Variants in ALG8 observed in about 807,000 individuals in gnomAD.
The protein encoded by ALG8 is dolichyl pyrophosphate Glc1Man9GlcNAc2 alpha-1,3-glucosyltransferase.
ALG8 carries 48 observed loss-of-function variants against 70.2 expected under a neutral mutation model. That is an observed-to-expected ratio of 0.68 (90% CI 0.54 to 0.87). The LOEUF (loss-of-function observed/expected upper bound fraction) is 0.87. Ranked by LOEUF, ALG8 falls within the 40% of genes least tolerant of loss-of-function variation. ALG8 has a pLI of 0.00. For synonymous variants in ALG8, 234 were observed against 229.0 expected (o/e 1.02, Z -0.20); for missense variants, 572 against 608.7 (o/e 0.94, Z 0.64).
At chr11:78,111,487 A>C in intron 8 of ALG8, among the ~76,000 whole-genome samples, 1 of 152,232 alleles carries the variant, frequency 6.6e-6, no homozygotes. Flanking sequence ...CCTCCAAACC[A>C]AGTCATCAGA....
intron 5 of ALG8, chr11:78,114,679 AAT>A (rs1383939870): frequency 3.2e-5 from 14 of 442,780 alleles, no homozygotes; most frequent in African/African-American, 2.8e-4. Flanking sequence ...AAAAAACTAA[AAT>A]TAGGCTAAGT....
intron 3 of ALG8, among the ~76,000 whole-genome samples, chr11:78,122,396 G>A (rs970228265): frequency 6.7e-6 from 1 of 148,808 alleles, no homozygotes; most frequent in Non-Finnish European, 1.5e-5. Flanking sequence ...AGGATGGAGT[G>A]CAGTGGCGTA....
In ALG8 at chr11:78,121,178, C is replaced by T. The variant is rs1860806518; in HGVS notation, c.369-4G>A. 1 of 1,596,702 alleles carries T rather than the reference C, an allele frequency of 6.3e-7. No homozygotes were observed. Among genetic ancestry groups the T allele is most frequent in the Admixed American group, 1.7e-5 (1 of 59,908 alleles). On this transcript the variant is annotated splice_region_variant and splice_polypyrimidine_tract_variant and intron_variant, in intron 3 of 12. Transcript: ENST00000299626. ...TCCATCAATGCATTTACAGCACCTA[C>T]ATTGAAACATTAGGAAAGAAACAGA...
intron 1 of ALG8, among the ~76,000 whole-genome samples, chr11:78,137,879 T>C (rs1861615565): frequency 6.6e-6 from 1 of 152,172 alleles, no homozygotes. Flanking sequence ...AAAATGGCAT[T>C]GATAGAGTTG....
intron 11 of ALG8, 93 bp downstream of exon 11, chr11:78,104,259 AGATT>A: frequency 8.5e-7 from 1 of 1,183,012 alleles, no homozygotes; most frequent in Non-Finnish European, 1.2e-6. Context: ...TCTATCCAAG[AGATT>A]TTAGAGTTGT....
chr11:78,119,092 T>C, intron 5 of ALG8, 90 bp downstream of exon 5: 1 of 1,006,168 alleles, frequency 9.9e-7, no homozygotes, highest in Non-Finnish European at 1.5e-6. Context: ...AACAGTCAAA[T>C]AAATTTACCT....
intron 1 of ALG8, among the ~76,000 whole-genome samples, chr11:78,128,157 AAG>A (rs1861157586): frequency 6.6e-6 from 1 of 152,212 alleles, no homozygotes; most frequent in Non-Finnish European, 1.5e-5. Context: ...AAGGTGGGAA[AAG>A]ATCCTTGCTT....
intron 1 of ALG8, among the ~76,000 whole-genome samples, chr11:78,132,100 G>C (rs1401891674): frequency 6.6e-6 from 1 of 152,108 alleles, no homozygotes; most frequent in African/African-American, 2.4e-5. Context: ...GTGTGAGGTA[G>C]GTTCTTTAAC....
At position 78,115,314 on chromosome 11, in the gene ALG8, G is replaced by A. The variant is rs193231751; in HGVS notation, c.547-922C>T. Among the ~76,000 whole-genome samples the A allele has an allele frequency of 2.0e-3, 302 of 150,528 alleles. 2 individuals carry two copies. Among genetic ancestry groups the A allele is most frequent in the Admixed American group, 2.2e-3 (33 of 15,066 alleles). ...CTCCCAAAGTGCTGGGATTACAGGC[G>A]TGAACCGCCATGCTTGGCCCAAGGT... On this transcript the variant is annotated intron_variant, in intron 5 of 12. Transcript: ENST00000299626.
chr11:78,125,337 C>A (rs2136928273), intron 2 of ALG8, among the ~76,000 whole-genome samples: 1 of 151,618 alleles, frequency 6.6e-6, no homozygotes, highest in African/African-American at 2.4e-5. Flanking sequence ...CAGCCTAAGT[C>A]TCACTTTTTG....
intron 10 of ALG8, among the ~76,000 whole-genome samples, chr11:78,105,994 C>A (rs1298314401): frequency 6.6e-6 from 1 of 152,120 alleles, no homozygotes; most frequent in South Asian, 2.1e-4. Context: ...AGATGTGAGC[C>A]ACCATGCCTG....
intron 5 of ALG8, among the ~76,000 whole-genome samples, chr11:78,116,371 A>AAAAC (rs374574831): frequency 4.1e-4 from 63 of 152,078 alleles, no homozygotes; most frequent in Middle Eastern, 3.4e-3. Flanking sequence ...TGCTATCTCC[A>AAAAC]AAACAAACAA....
rs1399052810 is a variant in ALG8 at position 78,113,863 on chromosome 11, A to G, written c.777+23T>C. On this transcript the variant is annotated intron_variant, in intron 7 of 12. Coordinates refer to ENST00000299626, the MANE Select transcript of ALG8 (RefSeq NM_024079.5). ...CCAACAAAGAACATGTATTAATTGAAAAAAAAAAAAAAAAAGGCTTACCAA... is the reference window on the plus strand; with the variant it reads ...CCAACAAAGAACATGTATTAATTGAGAAAAAAAAAAAAAAAGGCTTACCAA... The G allele has an allele frequency of 8.4e-6, 7 of 832,134 alleles. No individual in the cohort carries two copies. The South Asian group carries it at 1.1e-4, about 13-fold the overall frequency. 51.5% of individuals were successfully genotyped at this position (832,134 alleles called of 1,614,324 possible).
intron 5 of ALG8, chr11:78,114,595 GAT>G (rs1433369964): frequency 4.6e-6 from 3 of 645,586 alleles, no homozygotes; most frequent in Admixed American, 4.7e-5. Context: ...ATGGGTGAGG[GAT>G]ATATAGGAAC....
intron 2 of ALG8, 82 bp downstream of exon 2, chr11:78,127,276 C>G: frequency 7.5e-7 from 1 of 1,325,112 alleles, no homozygotes; most frequent in South Asian, 1.3e-5. Flanking sequence ...CGCACCCAGC[C>G]AGAAAACATT....
chr11:78,107,638 A>G, intron 9 of ALG8: 1 of 155,066 alleles, frequency 6.4e-6, no homozygotes, highest in Non-Finnish European at 1.4e-5. Flanking sequence ...TAGGAGTTCA[A>G]GAACAGCCTG....
intron 1 of ALG8, among the ~76,000 whole-genome samples, chr11:78,135,784 G>A (rs972967154): frequency 6.6e-6 from 1 of 151,816 alleles, no homozygotes; most frequent in African/African-American, 2.4e-5. Flanking sequence ...GGAAGCTGAG[G>A]TTGCAGTGAG....
chr11:78,112,433 C>T (rs1235068653), intron 8 of ALG8: 4 of 542,494 alleles, frequency 7.4e-6, no homozygotes, highest in East Asian at 3.8e-5. Flanking sequence ...TCAATAACCT[C>T]ATTACCACAA....
At chr11:78,118,764 T>C (rs1860694864) in intron 5 of ALG8, among the ~76,000 whole-genome samples, 1 of 151,854 alleles carries the variant, frequency 6.6e-6, no homozygotes, top group Non-Finnish European at 1.5e-5. Context: ...CAAGACCCTG[T>C]CTCTACTAAA....
Sources: allele counts gnomAD v4.1 joint callset (sites outside exome capture counted in the v4.1 genomes callset), GRCh38; gene constraint gnomAD v4.1.1; transcripts MANE v1.5; gene names NCBI Gene and HGNC (gene_info 2026-07-23, HGNC 2026-07-21).